The following ARHGAP26 variants were observed in gnomAD, a reference collection of about 807,000 sequenced individuals.
ARHGAP26 encodes the protein Rho GTPase activating protein 26.
Under a neutral mutation model 104.8 loss-of-function variants are expected in ARHGAP26, and 38 were observed. The observed-to-expected ratio is 0.36, with a 90% CI of 0.28 to 0.48. ARHGAP26 has a LOEUF of 0.48. Among genes scored for constraint, ARHGAP26 ranks in the 20% least tolerant of loss-of-function variants. The probability of loss-of-function intolerance (pLI) is 0.99; values close to 1 mark genes in which losing one functional copy is unlikely to be tolerated. For synonymous variants in ARHGAP26, 341 were observed against 340.0 expected (o/e 1.00, Z -0.03); for missense variants, 704 against 947.9 (o/e 0.74, Z 3.38).
At chr5:142,811,425 G>A (rs1293473542) in intron 1 of ARHGAP26, among the ~76,000 whole-genome samples, 2 of 152,226 alleles carry the variant, frequency 1.3e-5, no homozygotes, top group Admixed American at 6.5e-5. Flanking sequence ...AGTAGAAGCT[G>A]AGAGTGTGGG....
rs180721134 is a variant in ARHGAP26 at position 142,850,149 on chromosome 5, C to A, written c.155-23251C>A. ...GCTCTGCCTACCTCTCCTGCTCTGC[C>A]TATGGCTTGTCCCCTTCTTTTGGCC... is the stretch of plus-strand genomic sequence containing the variant. On this transcript the variant is annotated intron_variant, in intron 1 of 22. Transcript: ENST00000645722. Among the ~76,000 whole-genome samples, 388 of 152,336 alleles carry A rather than the reference C, an allele frequency of 2.5e-3. 2 individuals are homozygous for A. Among genetic ancestry groups the A allele is most frequent in the African/African-American group, 8.6e-3 (359 of 41,578 alleles).
chr5:142,906,111 A>G (rs1761068006), intron 8 of ARHGAP26, among the ~76,000 whole-genome samples: 1 of 152,048 alleles, frequency 6.6e-6, no homozygotes, highest in East Asian at 1.9e-4. Flanking sequence ...TTAGATTTGG[A>G]TTATGCATCT....
Position 142,864,349 on chromosome 5 carries a change from C to G in ARHGAP26, c.155-9051C>G, listed in dbSNP as rs149057927. On this transcript the variant is annotated intron_variant, in intron 1 of 22. Coordinates refer to ENST00000645722, the MANE Select transcript of ARHGAP26 (RefSeq NM_001135608.3). ...TCCCCGGTGCATTTAAAAGGCACGACTTGAGCTTAATAAACTTCACAAAAA... is the reference window on the plus strand; with the variant it reads ...TCCCCGGTGCATTTAAAAGGCACGAGTTGAGCTTAATAAACTTCACAAAAA... Among the ~76,000 whole-genome samples, 385 of 152,276 alleles carry G rather than the reference C, an allele frequency of 2.5e-3. 2 individuals carry two copies. Among genetic ancestry groups the G allele is most frequent in the Non-Finnish European group, 1.8e-3 (124 of 68,014 alleles).
At chr5:143,080,366 T>G (rs1412341753) in intron 17 of ARHGAP26, among the ~76,000 whole-genome samples, 3 of 152,144 alleles carry the variant, frequency 2.0e-5, no homozygotes, top group African/African-American at 7.2e-5. Context: ...CTAAATCCAT[T>G]ATAAAGATAA....
intron 20 of ARHGAP26, among the ~76,000 whole-genome samples, chr5:143,187,028 G>A (rs1180721062): frequency 6.6e-6 from 1 of 152,082 alleles, no homozygotes; most frequent in African/African-American, 2.4e-5. Flanking sequence ...AATTATAACA[G>A]CTACCATTTA....
chr5:142,891,574 G>T (rs757347026), intron 5 of ARHGAP26, among the ~76,000 whole-genome samples: 64 of 150,732 alleles, frequency 4.2e-4, no homozygotes, highest in Non-Finnish European at 8.8e-4. Flanking sequence ...TTCTCATGAT[G>T]GTGGAATGGA....
chr5:142,971,610 C>T (rs968354189), intron 11 of ARHGAP26, among the ~76,000 whole-genome samples: 1 of 152,118 alleles, frequency 6.6e-6, no homozygotes, highest in Non-Finnish European at 1.5e-5. Context: ...GAAACGGAGG[C>T]TGATGACACC....
At chr5:142,849,607 C>T (rs1010725992) in intron 1 of ARHGAP26, among the ~76,000 whole-genome samples, 1 of 152,154 alleles carries the variant, frequency 6.6e-6, no homozygotes, top group African/African-American at 2.4e-5. Flanking sequence ...CCTCCCCAAC[C>T]AGAAGGTCTG....
At chr5:143,014,688 G>C (rs568794120) in intron 12 of ARHGAP26, among the ~76,000 whole-genome samples, 1 of 152,178 alleles carries the variant, frequency 6.6e-6, no homozygotes, top group African/African-American at 2.4e-5. Context: ...CCCTGCTGCT[G>C]CCTGTAAGCA....
intron 1 of ARHGAP26, among the ~76,000 whole-genome samples, chr5:142,825,664 G>T (rs1241912218): frequency 6.6e-6 from 1 of 152,192 alleles, no homozygotes; most frequent in Non-Finnish European, 1.5e-5. Context: ...TCTGGGACCT[G>T]CAGGACTTTT....
At chr5:142,888,190 C>G (rs182711413) in intron 5 of ARHGAP26, among the ~76,000 whole-genome samples, 10 of 152,316 alleles carry the variant, frequency 6.6e-5, no homozygotes, top group Admixed American at 2.0e-4. Context: ...CATGAGGAAA[C>G]TGAGGCTCAG....
Position 142,770,663 on chromosome 5 carries a change from CG to C in ARHGAP26, c.-94del. The C allele has an allele frequency of 2.2e-6, 2 of 920,370 alleles. No individual in the cohort carries two copies. Among genetic ancestry groups the C allele is most frequent in the Non-Finnish European group, 1.3e-6 (1 of 757,000 alleles). 57.0% of individuals were successfully genotyped at this position (920,370 alleles called of 1,614,324 possible). The stretch of plus-strand genomic sequence containing the variant: ...CCACACCTGTGGAGCCGGCGGCCGT[CG>C]GGGGAGCCGGCCGGGGTCCCGCCGC... On this transcript the variant is annotated 5_prime_UTR_variant, in exon 1 of 23. Coordinates refer to ENST00000645722, the MANE Select transcript of ARHGAP26 (RefSeq NM_001135608.3).
rs556777996 is a variant in ARHGAP26 at position 142,839,917 on chromosome 5, G to T, written c.155-33483G>T. On this transcript the variant is annotated intron_variant, in intron 1 of 22. Transcript: ENST00000645722. ...GAGGAGGGGAGGGGAGGGGAGGGGA[G>T]GGGAGAGAGAGACTGAGCTAGCCTC... Among the ~76,000 whole-genome samples the T allele has an allele frequency of 3.6e-3, 538 of 151,106 alleles. 4 individuals are homozygous for T. Among genetic ancestry groups the T allele is most frequent in the African/African-American group, 0.012 (502 of 41,066 alleles).
In ARHGAP26 at chr5:143,214,002, C is replaced by T. The variant is rs754791440; in HGVS notation, c.2105C>T (p.Pro702Leu). The T allele has an allele frequency of 3.2e-6, 5 of 1,585,330 alleles. No homozygotes were observed. The highest frequency in any genetic ancestry group is 1.7e-5 in the Admixed American group (1 of 58,758). ...TSSDSSPVSTPFRKAKALYAC... is the reference protein window; with the variant it reads ...TSSDSSPVSTLFRKAKALYAC... Reference sequence around the variant, plus strand: ...AAACTCCTGTTTTCACACAGCACACCGTTCCGGAAGGCAAAAGCCTTGTAT... The same window carrying T: ...AAACTCCTGTTTTCACACAGCACACTGTTCCGGAAGGCAAAAGCCTTGTAT... The change falls in exon 22 of 23, where the codon CCG (proline) becomes CTG (leucine). Residue 702 changes from proline to leucine, a missense_variant. Transcript: ENST00000645722.
intron 20 of ARHGAP26, among the ~76,000 whole-genome samples, chr5:143,153,573 A>T (rs1800100454): frequency 6.6e-6 from 1 of 152,204 alleles, no homozygotes; most frequent in South Asian, 2.1e-4. Context: ...ATGCTGCAGT[A>T]ATTTCCCCAA....
At chr5:143,034,668 C>T (rs1249620702) in intron 12 of ARHGAP26, among the ~76,000 whole-genome samples, 2 of 151,904 alleles carry the variant, frequency 1.3e-5, no homozygotes, top group African/African-American at 4.8e-5. Flanking sequence ...GTGATTAATA[C>T]ACAGCTTTGT....
intron 10 of ARHGAP26, chr5:142,922,159 T>C (rs906649786): frequency 1.3e-5 from 2 of 152,232 alleles, no homozygotes; most frequent in Non-Finnish European, 2.9e-5. Context: ...ATTTATGGCC[T>C]CAAGAAGAAA....
chr5:143,121,123 G>A lies in ARHGAP26; in HGVS notation c.1674G>A (p.Glu558=). Reference sequence around the variant, plus strand: ...TCAAATTTCAGAACATTGTCATTGAGATCCTAATAGAAAACCACGAAAAGG... The same window carrying A: ...TCAAATTTCAGAACATTGTCATTGAAATCCTAATAGAAAACCACGAAAAGG... ...MDIKFQNIVI[E]ILIENHEKIF... Residue 558 remains glutamate (E), a synonymous_variant, in exon 18 of 23, where the codon GAG becomes GAA. Coordinates refer to ENST00000645722, the MANE Select transcript of ARHGAP26 (RefSeq NM_001135608.3). 6.2e-7 allele frequency: 1 copy of A among 1,613,392 alleles called. No homozygotes were observed. The highest frequency in any genetic ancestry group is 2.2e-5 in the East Asian group (1 of 44,862).
intron 21 of ARHGAP26, among the ~76,000 whole-genome samples, chr5:143,212,733 A>G (rs1234806972): frequency 2.6e-5 from 4 of 152,262 alleles, no homozygotes; most frequent in African/African-American, 9.6e-5. Context: ...CATGTGGCTC[A>G]CAAAGCCTGA....
Sources: allele counts gnomAD v4.1 joint callset (sites outside exome capture counted in the v4.1 genomes callset), GRCh38; gene constraint gnomAD v4.1.1; transcripts MANE v1.5; gene names NCBI Gene and HGNC (gene_info 2026-07-23, HGNC 2026-07-21).